The following SHANK1 variants were observed in gnomAD, a reference collection of about 807,000 sequenced individuals.
The protein encoded by SHANK1 is SH3 and multiple ankyrin repeat domains 1, also known as SH3 and multiple ankyrin repeat domains protein 1.
A neutral mutation model predicts 165.6 loss-of-function variants in SHANK1; 35 were observed. The ratio of observed to expected loss-of-function variants is 0.21; its 90% confidence interval spans 0.16 to 0.28. The LOEUF (loss-of-function observed/expected upper bound fraction) is 0.28. Ranked by LOEUF, SHANK1 falls within the 10% of genes least tolerant of loss-of-function variation. SHANK1 has a pLI of 1.00. For missense variants in SHANK1, 2,681 were observed against 3,036.4 expected (o/e 0.88, Z 2.75); for synonymous variants, 1,428 against 1,384.8 (o/e 1.03, Z -0.69).
chr19:50,669,112 G>A lies in SHANK1; in HGVS notation c.2848C>T (p.Arg950Trp), dbSNP rs1470902690. 2 of 1,488,226 alleles carry A rather than the reference G, an allele frequency of 1.3e-6. No individual in the cohort carries two copies. The highest frequency in any genetic ancestry group is 1.8e-6 in the Non-Finnish European group (2 of 1,113,280). The allele number at this position is 1,488,226 out of a possible 1,614,324, so 92.2% of individuals were successfully genotyped here. A position where few individuals can be genotyped will look rare whatever the true frequency, so the allele number is the denominator to read the frequency against. ...SSSGRLTPSP[R>W]GGPFNPGSGG... ...GAGCCAGGGTTGAAGGGCCCTCCCC[G>A]AGGGGAGGGGGTGAGGCGCCCTGAG... is the stretch of plus-strand genomic sequence containing the variant. Residue 950 changes from arginine (R) to tryptophan (W), a missense_variant, in exon 23 of 24, where the codon CGG becomes TGG. Arg to Trp is a moderately radical substitution (Grantham distance 101). Around this residue, in one of 10 missense-constraint regions of SHANK1, gnomAD observed 1,713 missense variants for 1,630.2 expected, o/e 1.05. Coordinates refer to ENST00000293441, the MANE Select transcript of SHANK1 (RefSeq NM_016148.5).
At chr19:50,695,532 T>TC (rs952903126) in intron 15 of SHANK1, among the ~76,000 whole-genome samples, 5 of 147,348 alleles carry the variant, frequency 3.4e-5, no homozygotes, top group African/African-American at 1.0e-4. Flanking sequence ...TTAATCCCCC[T>TC]CCCCCCTCCA....
chr19:50,661,886 T>G lies in SHANK1; in HGVS notation c.*79A>C. ...CAGAGTCCCTGGCCCGGGGAGAGAA[T>G]GACAGTCAGGGGTCAGAGGTCAAGA... On this transcript the variant is annotated 3_prime_UTR_variant, in exon 24 of 24. Coordinates refer to ENST00000293441, the MANE Select transcript of SHANK1 (RefSeq NM_016148.5). The G allele has an allele frequency of 9.4e-6, 14 of 1,496,672 alleles. No homozygotes were observed. Among genetic ancestry groups the G allele is most frequent in the Non-Finnish European group, 1.3e-5 (14 of 1,082,592 alleles). The allele number at this position is 1,496,672 out of a possible 1,614,324, so 92.7% of individuals were successfully genotyped here.
Position 50,686,606 on chromosome 19 carries a change from G to T in SHANK1, c.2458+138C>A. 1 of 812,466 alleles carries T rather than the reference G, an allele frequency of 1.2e-6. No homozygotes were observed. Among genetic ancestry groups the T allele is most frequent in the Non-Finnish European group, 1.9e-6 (1 of 513,966 alleles). The allele number at this position is 812,466 out of a possible 1,614,324, so 50.3% of individuals were successfully genotyped here. A position where few individuals can be genotyped will look rare whatever the true frequency, so the allele number is the denominator to read the frequency against. On this transcript the variant is annotated intron_variant, in intron 20 of 23. Transcript: ENST00000293441. The surrounding 1 kb of genome is among the most constrained non-coding windows in gnomAD (Gnocchi z 5.7). ...GGGCAGCCGTCGGGAGAGGGCGGGC[G>T]GAGGGAGGGGAGGTGGGATCGCAGC...
chr19:50,706,406 T>C (rs554102503), intron 8 of SHANK1, among the ~76,000 whole-genome samples: 42 of 152,182 alleles, frequency 2.8e-4, no homozygotes, highest in African/African-American at 1.0e-3. Context: ...CCATCATCAC[T>C]TTTTGGGCTA....
At chr19:50,699,028 C>T (rs1285924312) in intron 12 of SHANK1, among the ~76,000 whole-genome samples, 1 of 152,218 alleles carries the variant, frequency 6.6e-6, no homozygotes, top group East Asian at 1.9e-4. Context: ...AAACCCTTGC[C>T]TGGAGATGGC....
intron 21 of SHANK1, among the ~76,000 whole-genome samples, 195 bp from the exon 22 acceptor site, chr19:50,672,309 G>C (rs1432640861): frequency 6.6e-6 from 1 of 152,164 alleles, no homozygotes; most frequent in Non-Finnish European, 1.5e-5. Context: ...ACTTTGGGAG[G>C]CTGAGGCAGG....
intron 21 of SHANK1, among the ~76,000 whole-genome samples, chr19:50,674,673 T>C (rs1292228964): frequency 6.6e-6 from 1 of 152,138 alleles, no homozygotes; most frequent in Non-Finnish European, 1.5e-5. Context: ...TGGTGGCTCA[T>C]GCCTGAAATC....
At position 50,714,213 on chromosome 19, in the gene SHANK1, C is replaced by T. The variant is rs1340401901; in HGVS notation, c.609G>A (p.Leu203=). The T allele has an allele frequency of 6.2e-7, 1 of 1,614,172 alleles. No homozygotes were observed. The highest frequency in any genetic ancestry group is 8.5e-7 in the Non-Finnish European group (1 of 1,180,018). ...DKVARLLDKG[L]DPNYHDSDSG... ...AATCCGAGTCATGGTAATTGGGGTC[C>T]AGCCCCTTGTCCAGCAGCCGCGCCA... Residue 203 remains leucine, a synonymous_variant, in exon 5 of 24, where the codon CTG becomes CTA. Transcript: ENST00000293441.
chr19:50,688,143 C>A lies in SHANK1; in HGVS notation c.2173-85G>T. 1 of 1,506,078 alleles carries A rather than the reference C, an allele frequency of 6.6e-7. No individual in the cohort carries two copies. Among genetic ancestry groups the A allele is most frequent in the South Asian group, 1.2e-5 (1 of 84,448 alleles). 93.3% of individuals were successfully genotyped at this position (1,506,078 alleles called of 1,614,324 possible). On this transcript the variant is annotated intron_variant, in intron 17 of 23. Transcript: ENST00000293441. This position sits in a 1 kb window ranked among gnomAD's most constrained non-coding sequence, Gnocchi z 6.7. ...TCAGAGACCCCAAGGAGGATGCCTC[C>A]TGCGCTGCCCTGTCCATGGCCCTCT...
intron 8 of SHANK1, among the ~76,000 whole-genome samples, chr19:50,707,330 G>A (rs2088952052): frequency 6.6e-6 from 1 of 152,076 alleles, no homozygotes; most frequent in Non-Finnish European, 1.5e-5. Flanking sequence ...ATCTTGGCCT[G>A]GCCAAACCCA....
intron 21 of SHANK1, among the ~76,000 whole-genome samples, chr19:50,672,534 C>T (rs1361711356): frequency 7.7e-5 from 9 of 117,026 alleles, no homozygotes; most frequent in Admixed American, 1.2e-4. Flanking sequence ...CCAGCCTGGG[C>T]GACAGAGCCA....
intron 3 of SHANK1, among the ~76,000 whole-genome samples, 155 bp from the exon 4 acceptor site, chr19:50,715,885 G>A (rs528877888): frequency 1.3e-5 from 2 of 152,210 alleles, no homozygotes; most frequent in Admixed American, 6.5e-5. Flanking sequence ...TGGTCTAGGC[G>A]GTAGATGGGT....
At chr19:50,687,065 G>T in intron 19 of SHANK1, 1 of 1,437,014 alleles carries the variant, frequency 7.0e-7, no homozygotes, top group East Asian at 2.8e-5. Flanking sequence ...AGGCAGTAGA[G>T]GAGCCAAGAG....
rs1450199507 is a variant in SHANK1 at position 50,675,540 on chromosome 19, A to C, written c.2578-3426T>G. On this transcript the variant is annotated intron_variant, in intron 21 of 23. Coordinates refer to ENST00000293441, the MANE Select transcript of SHANK1 (RefSeq NM_016148.5). ...TCATTCATTCCAGAAATATTTATTG[A>C]GGACTTCCTTTATGCCAGGGACTGT... Among the ~76,000 whole-genome samples, 5 of 152,312 alleles carry C rather than the reference A, an allele frequency of 3.3e-5. No individual in the cohort carries two copies. In the East Asian group the frequency reaches 9.6e-4, roughly 29 times the overall value.
intron 23 of SHANK1, among the ~76,000 whole-genome samples, chr19:50,664,004 A>G (rs905181822): frequency 7.4e-6 from 1 of 134,664 alleles, no homozygotes; most frequent in Non-Finnish European, 1.5e-5. Flanking sequence ...CCTTGGTGTC[A>G]TATCAGCTCA....
At chr19:50,678,773 T>G (rs1599847850) in intron 21 of SHANK1, among the ~76,000 whole-genome samples, 2 of 45,620 alleles carry the variant, frequency 4.4e-5, no homozygotes, top group Admixed American at 2.1e-4. Context: ...GTCAGGGTGA[T>G]GGGGAGGGGT....
chr19:50,663,977 T>C (rs1985380213), intron 23 of SHANK1, among the ~76,000 whole-genome samples: 2 of 149,374 alleles, frequency 1.3e-5, no homozygotes, highest in South Asian at 4.3e-4. Flanking sequence ...TCTCACTTTG[T>C]TCCCCAGGCT....
At position 50,666,906 on chromosome 19, in the gene SHANK1, T is replaced by G; in HGVS notation, c.5054A>C (p.Asp1685Ala). ...IEEVDSRSSS[D>A]HPLETISSAS... Reference sequence around the variant, plus strand: ...GCTGCTGATGGTCTCCAGTGGGTGGTCACTGCTGCTCCGACTGTCCACCTC... The same window carrying G: ...GCTGCTGATGGTCTCCAGTGGGTGGGCACTGCTGCTCCGACTGTCCACCTC... The change falls in exon 23 of 24, where the codon GAC becomes GCC. Residue 1685 changes from aspartate (D) to alanine (A), a missense_variant. Coordinates refer to ENST00000293441, the MANE Select transcript of SHANK1 (RefSeq NM_016148.5). 2 of 1,599,054 alleles carry G rather than the reference T, an allele frequency of 1.3e-6. No individual in the cohort carries two copies. The highest frequency in any genetic ancestry group is 1.7e-6 in the Non-Finnish European group (2 of 1,174,440).
chr19:50,661,744 C>T lies in SHANK1; in HGVS notation c.*221G>A. The T allele has an allele frequency of 1.7e-6, 1 of 574,938 alleles. No homozygotes were observed. The highest frequency in any genetic ancestry group is 2.1e-5 in the South Asian group (1 of 47,264). The allele number at this position is 574,938 out of a possible 1,614,324, so 35.6% of individuals were successfully genotyped here. On this transcript the variant is annotated 3_prime_UTR_variant, in exon 24 of 24. Coordinates refer to ENST00000293441, the MANE Select transcript of SHANK1 (RefSeq NM_016148.5). ...TCCCCCCTCCGCTCCCCGCTTCACA[C>T]ACACACACACACTCTTGTGTCAGCT...
Sources: gnomAD v4.1 joint callset for allele counts (sites outside exome capture counted in the v4.1 genomes callset) on GRCh38, gnomAD v4.1.1 for gene constraint, gnomAD v4.1.1 regional missense constraint, Gnocchi (gnomAD v3.1) non-coding constraint, MANE v1.5 for transcripts, NCBI Gene and HGNC (gene_info 2026-07-23, HGNC 2026-07-21) for gene names.